PLEKHG4B: variants seen among roughly 807,000 people sequenced by gnomAD.
PLEKHG4B encodes the protein pleckstrin homology domain-containing family G member 4B.
In PLEKHG4B, 111 loss-of-function variants were observed where a neutral mutation model predicts 121.3. The observed-to-expected ratio is 0.92, with a 90% CI of 0.78 to 1.07. PLEKHG4B has a LOEUF of 1.07. Ranked by LOEUF, PLEKHG4B falls within the 50% of genes least tolerant of loss-of-function variation. The pLI, the probability that PLEKHG4B is intolerant of heterozygous loss-of-function variation, is 0.00. For missense variants in PLEKHG4B, 1,831 were observed against 1,757.8 expected, an observed-to-expected ratio of 1.04 and a Z score of -0.74; for synonymous variants, 738 against 725.0, an observed-to-expected ratio of 1.02 and a Z score of -0.29.
At chr5:169,243 C>T in intron 13 of PLEKHG4B, 97 bp from the exon 14 acceptor site, 1 of 1,518,978 alleles carries the variant, frequency 6.6e-7, no homozygotes, top group Non-Finnish European at 8.9e-7. Flanking sequence ...CTGCTCATCC[C>T]TCCGGGTTTT....
chr5:147,331 C>T (rs953122678), intron 6 of PLEKHG4B, among the ~76,000 whole-genome samples: 1 of 152,266 alleles, frequency 6.6e-6, no homozygotes, highest in Admixed American at 6.5e-5. Flanking sequence ...AACATGAGGC[C>T]CTGCACCACA....
chr5:140,805 C>A, intron 3 of PLEKHG4B, 89 bp downstream of exon 3: 1 of 1,169,016 alleles, frequency 8.6e-7, no homozygotes, highest in Admixed American at 3.2e-5. Context: ...ACCCCCTTCC[C>A]TACAAACCCC....
chr5:134,581 T>C (rs7721770), intron 2 of PLEKHG4B, among the ~76,000 whole-genome samples: 27,771 of 151,568 alleles, frequency 0.18, 3,459 homozygotes, highest in African/African-American at 0.35. Flanking sequence ...GCCTAGCCGA[T>C]GTAGTGAAAC....
rs35893349 is a variant in PLEKHG4B, at chr5:154,621, C to CTT, written c.1993-235_1993-234dup. On this transcript the variant is annotated intron_variant, in intron 7 of 19. Coordinates refer to ENST00000637938, the MANE Select transcript of PLEKHG4B (RefSeq NM_052909.5). ...TCATTCTTTCCCTTTTCCTTCCTCC[C>CTT]TTTTTTTTTTTTTTTTTTTTGGTTT... Among the ~76,000 whole-genome samples, 243 of 131,854 alleles carry CTT rather than the reference C, an allele frequency of 1.8e-3. 1 individual carries two copies. Among genetic ancestry groups the CTT allele is most frequent in the African/African-American group, 6.7e-3 (230 of 34,476 alleles). The allele number at this position is 131,854 out of a possible 152,430, so 86.5% of individuals were successfully genotyped here. A position where few individuals can be genotyped will look rare whatever the true frequency, so the allele number is the denominator to read the frequency against.
chr5:143,280 C>T (rs1261647031), intron 4 of PLEKHG4B, 24 bp downstream of exon 4: 2 of 1,609,048 alleles, frequency 1.2e-6, no homozygotes, highest in African/African-American at 1.3e-5. Context: ...CCAGGCTCTC[C>T]TGTCAGGGCG....
At position 185,360 on chromosome 5, in the gene PLEKHG4B, G is replaced by C. The variant is rs1482264609; in HGVS notation, c.*3037G>C. On this transcript the variant is annotated 3_prime_UTR_variant, in exon 20 of 20. Transcript: ENST00000637938. ...AAACTGCATGCTTTAAAGATGTGCA[G>C]TGGATCGTATGTCGCTTAAATCCCA... The C allele has an allele frequency of 6.6e-6, 1 of 152,284 alleles. No individual in the cohort carries two copies. The highest frequency in any genetic ancestry group is 1.5e-5 in the Non-Finnish European group (1 of 68,062). The allele number at this position is 152,284 out of a possible 1,614,324, so 9.4% of individuals were successfully genotyped here.
At position 137,988 on chromosome 5, in the gene PLEKHG4B, C is replaced by T. The variant is rs910103150; in HGVS notation, c.244-1495C>T. Among the ~76,000 whole-genome samples the T allele has an allele frequency of 6.6e-6, 1 of 152,208 alleles. No homozygotes were observed. Among genetic ancestry groups the T allele is most frequent in the South Asian group, 2.1e-4 (1 of 4,830 alleles). On this transcript the variant is annotated intron_variant, in intron 2 of 19. Coordinates refer to ENST00000637938, the MANE Select transcript of PLEKHG4B (RefSeq NM_052909.5). This position sits in a 1 kb window ranked among gnomAD's most constrained non-coding sequence, Gnocchi z 4.2. ...GCCGCTTCTTGAACGGCTTGCTCAC[C>T]GGTGTGAGGAACACGCGCAGACGTT...
intron 6 of PLEKHG4B, 29 bp from the exon 7 acceptor site, chr5:151,484 C>A (rs1363729670): frequency 1.4e-6 from 2 of 1,406,260 alleles, no homozygotes; most frequent in Non-Finnish European, 2.0e-6. Context: ...GAAAGCTAAT[C>A]AGTAATATTT....
intron 1 of PLEKHG4B, among the ~76,000 whole-genome samples, chr5:93,956 G>A (rs548037595): frequency 1.3e-5 from 2 of 152,280 alleles, no homozygotes; most frequent in African/African-American, 4.8e-5. Flanking sequence ...AGACACCACT[G>A]CCTCCCTCCT....
chr5:97,350 C>G (rs7727151), intron 1 of PLEKHG4B, among the ~76,000 whole-genome samples: 2,686 of 97,336 alleles, frequency 0.028, 3 homozygotes, highest in African/African-American at 0.14. Flanking sequence ...GGCTCCAGAT[C>G]GTTTTCCTCA....
chr5:162,590 G>A (rs543220305), intron 12 of PLEKHG4B, 132 bp from the exon 13 acceptor site: 47 of 618,258 alleles, frequency 7.6e-5, no homozygotes, highest in Middle Eastern at 4.9e-4. Context: ...ACTGGGTGGC[G>A]GGACTGCCTC....
At chr5:162,196 C>T (rs1736033125) in intron 12 of PLEKHG4B, among the ~76,000 whole-genome samples, 1 of 152,246 alleles carries the variant, frequency 6.6e-6, no homozygotes, top group Non-Finnish European at 1.5e-5. Context: ...TGTTTACTGG[C>T]TCAGTTAGAA....
Position 174,837 on chromosome 5 carries a change from T to C in PLEKHG4B, c.4402+739T>C, listed in dbSNP as rs191441849. The stretch of plus-strand genomic sequence containing the variant: ...CCAGGAACAGGGAGGCAAGGAAATC[T>C]CTAACAAAAGGTCAGAAATGAAGGG... On this transcript the variant is annotated intron_variant, in intron 18 of 19. Coordinates refer to ENST00000637938, the MANE Select transcript of PLEKHG4B (RefSeq NM_052909.5). Among the ~76,000 whole-genome samples, 364 of 152,166 alleles carry C rather than the reference T, an allele frequency of 2.4e-3. 2 individuals are homozygous for C. Among genetic ancestry groups the C allele is most frequent in the African/African-American group, 8.4e-3 (350 of 41,496 alleles).
At chr5:114,373 C>G (rs1734244376) in intron 2 of PLEKHG4B, among the ~76,000 whole-genome samples, 1 of 152,222 alleles carries the variant, frequency 6.6e-6, no homozygotes, top group African/African-American at 2.4e-5. Context: ...TGTTTATCAA[C>G]TAAGTTTATG....
chr5:110,884 G>C (rs1266250590), intron 1 of PLEKHG4B, among the ~76,000 whole-genome samples: 1 of 152,264 alleles, frequency 6.6e-6, no homozygotes, highest in African/African-American at 2.4e-5. Flanking sequence ...GCAGAAACAA[G>C]AATCCTGAGT....
chr5:173,100 C>G lies in PLEKHG4B; in HGVS notation c.4221+33C>G, dbSNP rs140242499. The G allele has an allele frequency of 3.5e-4, 561 of 1,602,852 alleles. 4 individuals are homozygous for G. The East Asian group carries it at 0.011, about 31-fold the overall frequency. ...CCGCCCGGTCCGATTGGGTGCAGGCCGAGCCAGGCCCTCCAAGGGGGTCTC... is the reference window on the plus strand; with the variant it reads ...CCGCCCGGTCCGATTGGGTGCAGGCGGAGCCAGGCCCTCCAAGGGGGTCTC... On this transcript the variant is annotated intron_variant, in intron 17 of 19. Transcript: ENST00000637938.
chr5:130,110 A>G (rs1305213718), intron 2 of PLEKHG4B, among the ~76,000 whole-genome samples: 2 of 152,036 alleles, frequency 1.3e-5, no homozygotes, highest in Admixed American at 1.3e-4. Context: ...TCTCATCAGA[A>G]AAAGACAGAC....
At chr5:127,715 G>T (rs1189196363) in intron 2 of PLEKHG4B, among the ~76,000 whole-genome samples, 1 of 152,070 alleles carries the variant, frequency 6.6e-6, no homozygotes, top group African/African-American at 2.4e-5. Context: ...AGTGATTAGA[G>T]CACTGTTAAT....
At chr5:166,636 C>A (rs1421753260) in intron 13 of PLEKHG4B, among the ~76,000 whole-genome samples, 1 of 151,206 alleles carries the variant, frequency 6.6e-6, no homozygotes, top group African/African-American at 2.4e-5. Context: ...GCCTGCCACT[C>A]ACCTCCTGCT....
Sources: allele counts gnomAD v4.1 joint callset (sites outside exome capture counted in the v4.1 genomes callset), GRCh38; gene constraint gnomAD v4.1.1; non-coding constraint Gnocchi (gnomAD v3.1); transcripts MANE v1.5; gene names NCBI Gene and HGNC (gene_info 2026-07-23, HGNC 2026-07-21).